The following ZNF98 variants were observed in gnomAD, a reference collection of about 807,000 sequenced individuals.
ZNF98 encodes zinc finger protein 98.
Under a neutral mutation model 12.8 loss-of-function variants are expected in ZNF98, and 8 were observed. The observed-to-expected ratio is 0.63, with a 90% CI of 0.37 to 1.13. The LOEUF (loss-of-function observed/expected upper bound fraction) is 1.13, where lower values mean the gene tolerates loss of function less well. Ranked by LOEUF, ZNF98 falls within the 50% of genes most tolerant of loss-of-function variation. The pLI, the probability that ZNF98 is intolerant of heterozygous loss-of-function variation, is 0.01. For missense variants in ZNF98, 379 were observed against 666.1 expected, an observed-to-expected ratio of 0.57 and a Z score of 4.74; for synonymous variants, 112 against 223.5, an observed-to-expected ratio of 0.50 and a Z score of 4.45.
rs1345492449 is a variant in ZNF98, at chr19:22,391,193, G to C, written c.*323C>G. On this transcript the variant is annotated 3_prime_UTR_variant, in exon 4 of 4. Coordinates refer to ENST00000357774, the MANE Select transcript of ZNF98 (RefSeq NM_001098626.2). ...AACTTCGTTTATATTTGTAATGTTT[G>C]TCTTCAAAATAAATCCTCTTCAGCA... 2 of 280,670 alleles carry C rather than the reference G, an allele frequency of 7.1e-6. No homozygotes were observed. The highest frequency in any genetic ancestry group is 1.1e-4 in the South Asian group (2 of 18,322). 17.4% of individuals were successfully genotyped at this position (280,670 alleles called of 1,614,324 possible). A position where few individuals can be genotyped will look rare whatever the true frequency, so the allele number is the denominator to read the frequency against.
In ZNF98 at chr19:22,392,485, G is replaced by C; in HGVS notation, c.750C>G (p.Leu250=). The change falls in exon 4 of 4, where the codon CTC becomes CTG. Residue 250 remains leucine (L), a synonymous_variant. Transcript: ENST00000357774. ...CEECGKAFNR[L]SHLTTHKIIH... is the part of the protein sequence containing the mutation. ...TTATCTTATGTGTAGTAAGGTGTGA[G>C]AGCCGGTTAAAGGCTTTTCCACACT... is the stretch of plus-strand genomic sequence containing the variant. 2 of 1,568,862 alleles carry C rather than the reference G, an allele frequency of 1.3e-6. No individual in the cohort carries two copies. The highest frequency in any genetic ancestry group is 1.1e-5 in the South Asian group (1 of 87,474).
chr19:22,419,649 T>G (rs1344273926), intron 1 of ZNF98, among the ~76,000 whole-genome samples: 2 of 152,170 alleles, frequency 1.3e-5, no homozygotes, highest in Non-Finnish European at 2.9e-5. Flanking sequence ...TATACCTCAA[T>G]AAGAAAAGCA....
intron 1 of ZNF98, among the ~76,000 whole-genome samples, chr19:22,415,080 A>G (rs1969625079): frequency 6.6e-6 from 1 of 150,812 alleles, no homozygotes; most frequent in Non-Finnish European, 1.5e-5. Context: ...CATGAAAAAG[A>G]TTTTTTTTTC....
At chr19:22,416,429 A>G (rs1344874987) in intron 1 of ZNF98, among the ~76,000 whole-genome samples, 1 of 152,110 alleles carries the variant, frequency 6.6e-6, no homozygotes, top group Non-Finnish European at 1.5e-5. Context: ...AGATCGCGCC[A>G]CTGCACTCCA....
Position 22,416,197 on chromosome 19 carries a change from G to A in ZNF98, c.30+5998C>T, listed in dbSNP as rs573204061. On this transcript the variant is annotated intron_variant, in intron 1 of 3. Coordinates refer to ENST00000357774, the MANE Select transcript of ZNF98 (RefSeq NM_001098626.2). ...AAGAAAAATAAAGTATGGGCCAGGC[G>A]TGGTGGCTCACACCTGTAACCCCAG... 2.1e-4 allele frequency among the ~76,000 whole-genome samples: 32 copies of A among 150,012 alleles called. No homozygotes were observed. The South Asian group carries it at 5.1e-3, about 24-fold the overall frequency.
chr19:22,396,809 C>CA (rs1217194723), intron 3 of ZNF98, among the ~76,000 whole-genome samples: 1 of 152,004 alleles, frequency 6.6e-6, no homozygotes, highest in African/African-American at 2.4e-5. Flanking sequence ...TCCAAGGAGA[C>CA]AAAAAAGGAC....
At chr19:22,394,332 C>T (rs1218863282) in intron 3 of ZNF98, among the ~76,000 whole-genome samples, 12 of 151,600 alleles carry the variant, frequency 7.9e-5, no homozygotes, top group East Asian at 1.9e-4. Flanking sequence ...CATCCCATTA[C>T]GGGGTATATA....
rs1461842244 is a variant in ZNF98 at position 22,414,285 on chromosome 19, A to T, written c.30+7910T>A. Among the ~76,000 whole-genome samples the T allele has an allele frequency of 3.3e-5, 5 of 151,578 alleles. No homozygotes were observed. The South Asian group carries it at 8.4e-4, about 25-fold the overall frequency. On this transcript the variant is annotated intron_variant, in intron 1 of 3. Transcript: ENST00000357774. ...AGCAAGCAAGAAAGAAAAGATCAAT[A>T]TTATTAAAATGGTCATACTGTCAAA... is the stretch of plus-strand genomic sequence containing the variant.
Position 22,405,274 on chromosome 19 carries a change from A to AAG in ZNF98, c.31-1763_31-1762insCT, listed in dbSNP as rs1170354688. 5.3e-5 allele frequency among the ~76,000 whole-genome samples: 8 copies of AAG among 151,382 alleles called. No individual in the cohort carries two copies. In the South Asian group the frequency reaches 1.7e-3, roughly 32 times the overall value. On this transcript the variant is annotated intron_variant, in intron 1 of 3. Coordinates refer to ENST00000357774, the MANE Select transcript of ZNF98 (RefSeq NM_001098626.2). The stretch of plus-strand genomic sequence containing the variant: ...TCATCTGAGACATGCTTAGCTAAAA[A>AAG]AAAAAAAAAAAAAAATTAGGGGCAG...
chr19:22,408,107 C>T (rs777396299), intron 1 of ZNF98, among the ~76,000 whole-genome samples: 7 of 152,104 alleles, frequency 4.6e-5, no homozygotes, highest in African/African-American at 1.2e-4. Context: ...ACAATCAAGT[C>T]GGCTTCATCC....
chr19:22,398,985 G>C (rs1969427927), intron 3 of ZNF98, among the ~76,000 whole-genome samples: 2 of 152,122 alleles, frequency 1.3e-5, no homozygotes, highest in Admixed American at 6.5e-5. Context: ...GATTGTAATA[G>C]AGATAAGGCT....
In ZNF98 at chr19:22,391,419, A is replaced by T. The variant is rs1306556254; in HGVS notation, c.*97T>A. On this transcript the variant is annotated 3_prime_UTR_variant, in exon 4 of 4. Transcript: ENST00000357774. ...TTGAGCATTGTGTAAGTTTTGCCAC[A>T]CTGTTCACACTTGTAGAAGTTTTCT... 2 of 1,496,732 alleles carry T rather than the reference A, an allele frequency of 1.3e-6. No individual in the cohort carries two copies. The highest frequency in any genetic ancestry group is 2.8e-5 in the African/African-American group (2 of 71,148). 92.7% of individuals were successfully genotyped at this position (1,496,732 alleles called of 1,614,324 possible).
intron 1 of ZNF98, among the ~76,000 whole-genome samples, chr19:22,408,095 CAACA>C (rs895155315): frequency 1.8e-4 from 27 of 152,210 alleles, no homozygotes; most frequent in Non-Finnish European, 3.5e-4. Flanking sequence ...AACTGATCCA[CAACA>C]ATCAAGTCGG....
rs1969348092 is a variant in ZNF98 at position 22,392,926 on chromosome 19, A to G, written c.309T>C (p.Tyr103=). ...DLWPKQGKKN[Y]FQKVILRTYK... Reference sequence around the variant, plus strand: ...ATGTTCTCAGTATCACTTTTTGGAAATAATTTTTTTTGCCCTGCTTTGGCC... The same window carrying G: ...ATGTTCTCAGTATCACTTTTTGGAAGTAATTTTTTTTGCCCTGCTTTGGCC... The change falls in exon 4 of 4, where the codon TAT becomes TAC. Residue 103 remains tyrosine (Y), a synonymous_variant. Transcript: ENST00000357774. 1.3e-6 allele frequency: 2 copies of G among 1,582,414 alleles called. No individual in the cohort carries two copies. Among genetic ancestry groups the G allele is most frequent in the Non-Finnish European group, 8.6e-7 (1 of 1,168,832 alleles).
At chr19:22,413,269 A>C (rs1969601098) in intron 1 of ZNF98, among the ~76,000 whole-genome samples, 1 of 152,074 alleles carries the variant, frequency 6.6e-6, no homozygotes, top group African/African-American at 2.4e-5. Flanking sequence ...AATAAAAGGC[A>C]TACAAACAGG....
At chr19:22,413,089 T>A (rs113963980) in intron 1 of ZNF98, among the ~76,000 whole-genome samples, 83 of 150,162 alleles carry the variant, frequency 5.5e-4, no homozygotes, top group African/African-American at 1.9e-3. Context: ...TAAAAAAAAA[T>A]AATAATAATG....
chr19:22,416,401 C>T (rs1390972706), intron 1 of ZNF98, among the ~76,000 whole-genome samples: 4 of 151,146 alleles, frequency 2.6e-5, no homozygotes, highest in Non-Finnish European at 5.9e-5. Context: ...ACCCGGGAGG[C>T]GGAGCTTGCA....
rs1555703682 is a variant in ZNF98 at position 22,397,212 on chromosome 19, T to TGTG, written c.254-4232_254-4231insCAC. On this transcript the variant is annotated intron_variant, in intron 3 of 3. Transcript: ENST00000357774. The stretch of plus-strand genomic sequence containing the variant: ...CATCTGTGTGTGTGTGTGTGTGTTT[T>TGTG]TGTGTGTGTGTGTGTGTGTGTGTAT... Among the ~76,000 whole-genome samples, 12 of 145,322 alleles carry TGTG rather than the reference T, an allele frequency of 8.3e-5. No individual in the cohort carries two copies. In the South Asian group the frequency reaches 8.7e-4, roughly 11 times the overall value.
rs1006235290 is a variant in ZNF98 at position 22,391,647 on chromosome 19, A to G, written c.1588T>C (p.Ser530Pro). ...ATCTTATGTCTGTTAAGAATAGAGGAGTTGTTAAAGGCTTTGCCGCATTCT... is the reference window on the plus strand; with the variant it reads ...ATCTTATGTCTGTTAAGAATAGAGGGGTTGTTAAAGGCTTTGCCGCATTCT... ...CEECGKAFNN[S>P]SILNRHKMIH... The change falls in exon 4 of 4, where the codon TCC (serine) becomes CCC (proline). Residue 530 changes from serine to proline, a missense_variant. Transcript: ENST00000357774. 4 of 1,613,712 alleles carry G rather than the reference A, an allele frequency of 2.5e-6. No individual in the cohort carries two copies. The African/African-American group carries it at 5.3e-5, about 22-fold the overall frequency.
Sources: allele counts gnomAD v4.1 joint callset (sites outside exome capture counted in the v4.1 genomes callset), GRCh38; gene constraint gnomAD v4.1.1; transcripts MANE v1.5; gene names NCBI Gene and HGNC (gene_info 2026-07-23, HGNC 2026-07-21).